The following KANK1 variants were observed in gnomAD, a reference collection of about 807,000 sequenced individuals.
The protein encoded by KANK1 is KN motif and ankyrin repeat domains 1.
A neutral mutation model predicts 106.2 loss-of-function variants in KANK1; 109 were observed. That is an observed-to-expected ratio of 1.03 (90% confidence interval 0.88 to 1.20). KANK1 has a LOEUF of 1.20. KANK1 is among the 50% of genes most tolerant of loss of function. The pLI is 0.00. For missense variants in KANK1, 2,399 were observed against 1,710.7 expected (o/e 1.40, Z -7.10); for synonymous variants, 873 against 652.2 (o/e 1.34, Z -5.16).
intron 1 of KANK1, among the ~76,000 whole-genome samples, chr9:607,009 A>G (rs1243225640): frequency 2.0e-5 from 3 of 151,704 alleles, no homozygotes; most frequent in Non-Finnish European, 4.4e-5. Context: ...TGCCCACGGA[A>G]AACTGTGGGA....
At chr9:701,549 C>CTTGT (rs1417933704) in intron 2 of KANK1, among the ~76,000 whole-genome samples, 5 of 152,296 alleles carry the variant, frequency 3.3e-5, no homozygotes, top group Non-Finnish European at 7.3e-5. Context: ...GAGGGCCTGT[C>CTTGT]TTGTGCATGG....
intron 2 of KANK1, chr9:677,764 A>C (rs1210389205): frequency 6.6e-6 from 1 of 152,034 alleles, no homozygotes; most frequent in Non-Finnish European, 1.5e-5. Context: ...CTGAGTCCAG[A>C]CTCCTACGTC....
upstream of KANK1, among the ~76,000 whole-genome samples, chr9:501,054 C>T (rs1412900590): frequency 6.6e-6 from 1 of 151,022 alleles, no homozygotes; most frequent in Non-Finnish European, 1.5e-5. Flanking sequence ...TCAGACATCT[C>T]GTGTAGATAA....
chr9:678,586 G>A (rs536846689), intron 2 of KANK1, among the ~76,000 whole-genome samples: 1 of 152,220 alleles, frequency 6.6e-6, no homozygotes, highest in South Asian at 2.1e-4. Flanking sequence ...AAATTAGCCA[G>A]GCATGGTGGC....
intron 1 of KANK1, among the ~76,000 whole-genome samples, chr9:561,680 A>G (rs1480017417): frequency 2.0e-5 from 3 of 152,242 alleles, no homozygotes; most frequent in Non-Finnish European, 4.4e-5. Context: ...AGATGTTGTC[A>G]TAGGATTTTG....
intron 7 of KANK1, 70 bp downstream of exon 7, chr9:734,905 G>C: frequency 9.1e-7 from 1 of 1,092,902 alleles, no homozygotes; most frequent in Non-Finnish European, 1.4e-6. Context: ...GTCAAGGCCA[G>C]CTGTAGGCTG....
At chr9:686,152 A>G (rs1022710269) in intron 2 of KANK1, among the ~76,000 whole-genome samples, 1 of 152,122 alleles carries the variant, frequency 6.6e-6, no homozygotes, top group Non-Finnish European at 1.5e-5. Context: ...TCTAACTAAA[A>G]CCAGAAAAAA....
chr9:663,675 TC>T (rs1213722396), intron 1 of KANK1, among the ~76,000 whole-genome samples: 1 of 152,170 alleles, frequency 6.6e-6, no homozygotes, highest in Non-Finnish European at 1.5e-5. Context: ...GGAAAGAAAC[TC>T]TGGAAGTGTC....
chr9:688,859 G>A (rs749733615), intron 2 of KANK1, among the ~76,000 whole-genome samples: 1 of 152,154 alleles, frequency 6.6e-6, no homozygotes, highest in Non-Finnish European at 1.5e-5. Context: ...TTGGTGGGCT[G>A]GTTGCAACCG....
At chr9:669,593 C>T (rs1423060186) in intron 1 of KANK1, among the ~76,000 whole-genome samples, 1 of 152,100 alleles carries the variant, frequency 6.6e-6, no homozygotes, top group Non-Finnish European at 1.5e-5. Context: ...AGTGTGTTGC[C>T]AACTGAAGTG....
intron 1 of KANK1, among the ~76,000 whole-genome samples, chr9:519,283 A>T (rs2059442272): frequency 6.6e-6 from 1 of 151,766 alleles, no homozygotes; most frequent in Admixed American, 6.6e-5. Context: ...TGTCAGCCTT[A>T]ACTTAGTAAG....
intron 1 of KANK1, among the ~76,000 whole-genome samples, chr9:624,834 G>T (rs1351077727): frequency 6.6e-6 from 1 of 151,916 alleles, no homozygotes; most frequent in Non-Finnish European, 1.5e-5. Context: ...CTTTAAAAAC[G>T]CAATGAAAAA....
intron 3 of KANK1, among the ~76,000 whole-genome samples, chr9:497,679 C>G (rs752732821): frequency 5.9e-5 from 9 of 152,104 alleles, no homozygotes; most frequent in Non-Finnish European, 1.5e-5. Context: ...ATGGCAAAAC[C>G]TGTCTTGACA....
At position 711,130 on chromosome 9, in the gene KANK1, C is replaced by T. The variant is rs769259053; in HGVS notation, c.364C>T (p.Pro122Ser). 1.2e-6 allele frequency: 2 copies of T among 1,614,188 alleles called. No individual in the cohort carries two copies. The highest frequency in any genetic ancestry group is 2.2e-5 in the South Asian group (2 of 91,090). The change falls in exon 3 of 12, where the codon CCT becomes TCT. Residue 122 changes from proline to serine, a missense_variant. By Grantham distance (74) the Pro-to-Ser change is moderately conservative (BLOSUM62 -1). Transcript: ENST00000382297. ...TACATCAACTCCAATCTCAAAGCCA[C>T]CTCCCCCTCTGGAGACCTCACTCCC... ...QVTSTPISKPPPPLETSLPFL... is the reference protein window; with the variant it reads ...QVTSTPISKPSPPLETSLPFL...
chr9:744,523 A>G lies in KANK1; in HGVS notation c.3930A>G (p.Glu1310=). 6.2e-7 allele frequency: 1 copy of G among 1,614,182 alleles called. No homozygotes were observed. The highest frequency in any genetic ancestry group is 8.5e-7 in the Non-Finnish European group (1 of 1,180,014). ...GCACTGCGCTCTCAATCGCCCTGGA[A>G]GCAGGACACAAGGACATCGCTGTTC... ...DGSTALSIAL[E]AGHKDIAVLL... Residue 1310 remains glutamate (E), a synonymous_variant, in exon 11 of 12, where the codon GAA becomes GAG. Transcript: ENST00000382297.
Position 711,026 on chromosome 9 carries a change from C to A in KANK1, c.260C>A (p.Thr87Asn), listed in dbSNP as rs1394287968. The change falls in exon 3 of 12, where the codon ACT (threonine) becomes AAT (asparagine). Residue 87 changes from threonine to asparagine, a missense_variant. Thr to Asn is a moderately conservative substitution (Grantham distance 65). Transcript: ENST00000382297. ...RTTSGQQGIW[T>N]STESLSSSNS... ...ACATCTGGTCAGCAAGGTATATGGACTTCCACTGAATCCCTCTCATCCTCC... is the reference window on the plus strand; with the variant it reads ...ACATCTGGTCAGCAAGGTATATGGAATTCCACTGAATCCCTCTCATCCTCC... The A allele has an allele frequency of 2.5e-6, 4 of 1,614,200 alleles. No individual in the cohort carries two copies. The South Asian group carries it at 4.4e-5, about 18-fold the overall frequency.
At chr9:494,373 T>TA (rs1564122096) in intron 3 of KANK1, among the ~76,000 whole-genome samples, 1 of 152,216 alleles carries the variant, frequency 6.6e-6, no homozygotes, top group African/African-American at 2.4e-5. Context: ...ATTTCATGTA[T>TA]ACCAATAGAG....
At chr9:608,372 C>T (rs1414163179) in intron 1 of KANK1, among the ~76,000 whole-genome samples, 1 of 151,830 alleles carries the variant, frequency 6.6e-6, no homozygotes, top group African/African-American at 2.4e-5. Context: ...GCACATTCTA[C>T]GTGACCATAG....
intron 10 of KANK1, among the ~76,000 whole-genome samples, chr9:743,833 G>A (rs1200621657): frequency 1.3e-5 from 2 of 152,232 alleles, no homozygotes; most frequent in Non-Finnish European, 2.9e-5. Context: ...CTGCACTGCA[G>A]CCTGGGAGAC....
Sources: gnomAD v4.1 joint callset for allele counts (sites outside exome capture counted in the v4.1 genomes callset) on GRCh38, gnomAD v4.1.1 for gene constraint, MANE v1.5 for transcripts, NCBI Gene and HGNC (gene_info 2026-07-23, HGNC 2026-07-21) for gene names.